The following FBXO4 variants were observed in gnomAD, a reference collection of about 807,000 sequenced individuals.
FBXO4 encodes F-box only protein 4.
FBXO4 carries 36 observed loss-of-function variants against 43.7 expected under a neutral mutation model. The observed-to-expected ratio is 0.82, with a 90% CI of 0.63 to 1.09. The LOEUF (loss-of-function observed/expected upper bound fraction) is 1.09. Ranked by LOEUF, FBXO4 falls within the 50% of genes least tolerant of loss-of-function variation. The probability of loss-of-function intolerance (pLI) is 0.00; values close to 1 mark genes in which losing one functional copy is unlikely to be tolerated. For missense variants in FBXO4, 435 were observed against 474.1 expected (o/e 0.92, Z 0.77); for synonymous variants, 180 against 165.6 (o/e 1.09, Z -0.67).
At chr5:41,984,146 C>G in the FBXO4 span, among the ~76,000 whole-genome samples, 1 of 151,944 alleles carries the variant, frequency 6.6e-6, no homozygotes, top group Admixed American at 6.6e-5. Flanking sequence ...TTTTAATTAG[C>G]AAATTTTATC....
At chr5:41,994,544 G>C in the FBXO4 span, among the ~76,000 whole-genome samples, 5 of 152,162 alleles carry the variant, frequency 3.3e-5, no homozygotes, top group Non-Finnish European at 2.9e-5. Flanking sequence ...TTCTAGCCCT[G>C]CCGGATTGGA....
intron 3 of FBXO4, among the ~76,000 whole-genome samples, chr5:41,932,258 C>T (rs978780692): frequency 3.9e-5 from 6 of 152,146 alleles, no homozygotes; most frequent in South Asian, 2.1e-4. Flanking sequence ...AGTATGGCGA[C>T]TATATTGGGC....
chr5:42,029,612 G>C, the FBXO4 span, among the ~76,000 whole-genome samples: 11,866 of 151,726 alleles, frequency 0.078, 582 homozygotes, highest in African/African-American at 0.13. Flanking sequence ...AGATTCTGTA[G>C]GTGTGCTTTA....
the FBXO4 span, among the ~76,000 whole-genome samples, chr5:41,947,673 G>T: frequency 1.3e-5 from 2 of 152,206 alleles, no homozygotes; most frequent in Admixed American, 1.3e-4. Flanking sequence ...GGGAGAACAT[G>T]GATAGTAACT....
chr5:41,951,250 G>A, the FBXO4 span: 1 of 157,120 alleles, frequency 6.4e-6, no homozygotes, highest in African/African-American at 2.4e-5. Flanking sequence ...AGAAACTGAT[G>A]ATTTTTTTTC....
the FBXO4 span, among the ~76,000 whole-genome samples, chr5:41,973,028 G>A: frequency 6.6e-6 from 1 of 152,136 alleles, no homozygotes; most frequent in Non-Finnish European, 1.5e-5. Context: ...ATTTCATGAT[G>A]AAGACTCCAA....
chr5:41,968,006 C>CTA, the FBXO4 span: 9 of 430,490 alleles, frequency 2.1e-5, no homozygotes, highest in Admixed American at 5.5e-5. Flanking sequence ...TTGCCAGAGG[C>CTA]CACCTGCTCC....
downstream of FBXO4, among the ~76,000 whole-genome samples, chr5:41,946,133 C>T (rs912923629): frequency 4.6e-5 from 7 of 152,304 alleles, no homozygotes; most frequent in Non-Finnish European, 1.0e-4. Flanking sequence ...ATTGTTGGCA[C>T]CATGGGACCA....
intron 2 of FBXO4, 49 bp from the exon 3 acceptor site, chr5:41,929,648 A>G: frequency 1.5e-6 from 2 of 1,353,402 alleles, no homozygotes; most frequent in Non-Finnish European, 2.0e-6. Flanking sequence ...TTGAATGAAT[A>G]ACTGGCTGTT....
chr5:41,976,667 G>T, the FBXO4 span, among the ~76,000 whole-genome samples: 1 of 152,188 alleles, frequency 6.6e-6, no homozygotes, highest in South Asian at 2.1e-4. Flanking sequence ...GCTTTGCAGG[G>T]TGAAGCCCCT....
chr5:41,932,459 A>G (rs1004614648), intron 3 of FBXO4, among the ~76,000 whole-genome samples: 1 of 152,224 alleles, frequency 6.6e-6, no homozygotes, highest in Non-Finnish European at 1.5e-5. Context: ...TGTGTTGCCT[A>G]GAATGATGAC....
chr5:41,987,430 C>T, the FBXO4 span, among the ~76,000 whole-genome samples: 1 of 152,062 alleles, frequency 6.6e-6, no homozygotes, highest in Admixed American at 6.6e-5. Flanking sequence ...TATCTATTTT[C>T]AGTTGGGGTG....
the FBXO4 span, among the ~76,000 whole-genome samples, chr5:41,965,045 T>C: frequency 6.6e-6 from 1 of 152,234 alleles, no homozygotes; most frequent in African/African-American, 2.4e-5. Flanking sequence ...TTATCCATCT[T>C]GAATTAATTT....
At chr5:41,967,174 A>G in the FBXO4 span, 2 of 460,394 alleles carry the variant, frequency 4.3e-6, no homozygotes, top group East Asian at 5.4e-5. Context: ...AGACTTCAGC[A>G]CTTTCCGTTC....
At chr5:42,019,403 A>G in the FBXO4 span, among the ~76,000 whole-genome samples, 3 of 152,218 alleles carry the variant, frequency 2.0e-5, no homozygotes, top group East Asian at 3.8e-4. Flanking sequence ...AAAATGTAAA[A>G]TTAGGCCAGG....
At chr5:41,942,166 G>A (rs915456223), downstream of FBXO4, among the ~76,000 whole-genome samples, 2 of 151,828 alleles carry the variant, frequency 1.3e-5, no homozygotes, top group Non-Finnish European at 2.9e-5. Flanking sequence ...TCTCTTTTAG[G>A]TCAGTGCTAT....
At chr5:42,032,903 A>G in the FBXO4 span, among the ~76,000 whole-genome samples, 1 of 152,146 alleles carries the variant, frequency 6.6e-6, no homozygotes, top group Non-Finnish European at 1.5e-5. Flanking sequence ...GTGCCTGGGT[A>G]TCGCTGCTGG....
At chr5:41,999,729 G>A in the FBXO4 span, among the ~76,000 whole-genome samples, 1 of 151,242 alleles carries the variant, frequency 6.6e-6, no homozygotes. Context: ...GAAGAAAGAT[G>A]TAGGCTGGGA....
At chr5:42,032,624 G>A in the FBXO4 span, among the ~76,000 whole-genome samples, 1 of 152,150 alleles carries the variant, frequency 6.6e-6, no homozygotes, top group African/African-American at 2.4e-5. Context: ...CACGCTTCAG[G>A]ACAGTGGGCT....
Sources: allele counts gnomAD v4.1 joint callset (sites outside exome capture counted in the v4.1 genomes callset), GRCh38; gene constraint gnomAD v4.1.1; transcripts MANE v1.5; gene names NCBI Gene and HGNC (gene_info 2026-07-23, HGNC 2026-07-21).